CCDC102B: variants seen among roughly 807,000 people sequenced by gnomAD.
CCDC102B encodes coiled-coil domain containing 102B, also known as coiled-coil domain-containing protein 102B.
CCDC102B carries 75 observed loss-of-function variants against 57.4 expected under a neutral mutation model. That is an observed-to-expected ratio of 1.31 (90% confidence interval 1.08 to 1.58). CCDC102B has a LOEUF of 1.58. CCDC102B is among the 40% of genes most tolerant of loss of function. The pLI is 0.00. For synonymous variants in CCDC102B, 206 were observed against 201.9 expected, an observed-to-expected ratio of 1.02 and a Z score of -0.17; for missense variants, 636 against 582.6, an observed-to-expected ratio of 1.09 and a Z score of -0.94.
At chr18:68,798,564 T>C (rs1430742928) in intron 1 of CCDC102B, 4 of 152,174 alleles carry the variant, frequency 2.6e-5, no homozygotes, top group African/African-American at 9.6e-5. Context: ...GTAATCTATA[T>C]TCTTACAGTA....
chr18:68,929,117 C>G (rs533429745), intron 6 of CCDC102B, among the ~76,000 whole-genome samples: 1 of 151,852 alleles, frequency 6.6e-6, no homozygotes, highest in Non-Finnish European at 1.5e-5. Flanking sequence ...ATTTTTCCCA[C>G]CTGTAAAGGA....
chr18:68,758,922 AAG>A (rs1325349351), intron 2 of CCDC102B, among the ~76,000 whole-genome samples: 1 of 151,544 alleles, frequency 6.6e-6, no homozygotes, highest in Non-Finnish European at 1.5e-5. Flanking sequence ...AAAATCTATA[AAG>A]AGAGAAAAAA....
intron 2 of CCDC102B, among the ~76,000 whole-genome samples, chr18:68,787,563 GTA>G (rs1351305399): frequency 6.6e-6 from 1 of 151,652 alleles, no homozygotes; most frequent in Non-Finnish European, 1.5e-5. Context: ...TTGGGAGAGT[GTA>G]TATGTCGAGG....
At chr18:68,728,295 G>T (rs1257387173) in intron 2 of CCDC102B, among the ~76,000 whole-genome samples, 3 of 152,200 alleles carry the variant, frequency 2.0e-5, no homozygotes, top group Admixed American at 1.3e-4. Context: ...CAGGGAAGTA[G>T]ATTATATTGC....
At chr18:68,973,953 A>G (rs1391329970) in intron 6 of CCDC102B, among the ~76,000 whole-genome samples, 2 of 152,096 alleles carry the variant, frequency 1.3e-5, no homozygotes, top group East Asian at 1.9e-4. Context: ...AGCGGCTGCA[A>G]CATCAAGTCT....
chr18:69,041,866 C>G (rs771500859), intron 7 of CCDC102B, among the ~76,000 whole-genome samples: 1 of 152,008 alleles, frequency 6.6e-6, no homozygotes, highest in Admixed American at 6.6e-5. Context: ...CCTTTCCAAA[C>G]CAGGTGGTCA....
intron 2 of CCDC102B, among the ~76,000 whole-genome samples, chr18:68,759,402 A>G (rs1352724575): frequency 6.6e-6 from 1 of 152,114 alleles, no homozygotes; most frequent in East Asian, 1.9e-4. Context: ...GTAGCAAGAC[A>G]ACATAATATT....
At position 68,813,585 on chromosome 18, in the gene CCDC102B, G is replaced by A. The variant is rs944393998; in HGVS notation, c.-16+15404G>A. Among the ~76,000 whole-genome samples the A allele has an allele frequency of 5.3e-5, 8 of 151,906 alleles. No individual in the cohort carries two copies. In the East Asian group the frequency reaches 1.6e-3, roughly 30 times the overall value. On this transcript the variant is annotated intron_variant, in intron 1 of 7. Transcript: ENST00000360242. ...GGACCAGAAATGTAGGTTAGTTAGGGGAGAAGAAGGGAGGGAAGGCCAGCA... is the reference window on the plus strand; with the variant it reads ...GGACCAGAAATGTAGGTTAGTTAGGAGAGAAGAAGGGAGGGAAGGCCAGCA...
intron 6 of CCDC102B, chr18:68,908,614 T>C (rs2040727495): frequency 6.6e-6 from 1 of 152,212 alleles, no homozygotes; most frequent in African/African-American, 2.4e-5. Flanking sequence ...GTTAGTTAAA[T>C]GACATTTTTA....
At chr18:68,914,472 G>A (rs553341105) in intron 6 of CCDC102B, among the ~76,000 whole-genome samples, 197 of 152,244 alleles carry the variant, frequency 1.3e-3, no homozygotes, top group African/African-American at 3.7e-3. Flanking sequence ...ACATATTATC[G>A]TAAAATAAAA....
intron 5 of CCDC102B, among the ~76,000 whole-genome samples, chr18:68,875,341 C>A (rs1272221780): frequency 6.6e-6 from 1 of 152,038 alleles, no homozygotes; most frequent in African/African-American, 2.4e-5. Flanking sequence ...TAGGTAAGAA[C>A]AGAATTATTG....
At chr18:69,010,675 A>G (rs2051490187) in intron 6 of CCDC102B, among the ~76,000 whole-genome samples, 1 of 152,118 alleles carries the variant, frequency 6.6e-6, no homozygotes, top group East Asian at 1.9e-4. Context: ...TTACATAAAA[A>G]CTACTTTTGT....
intron 2 of CCDC102B, among the ~76,000 whole-genome samples, chr18:68,766,462 T>A (rs2144603130): frequency 6.6e-6 from 1 of 152,262 alleles, no homozygotes; most frequent in East Asian, 1.9e-4. Flanking sequence ...CTTACCCACG[T>A]CAAGTGTGGG....
chr18:68,988,168 G>GA lies in CCDC102B; in HGVS notation c.1264-22758dup, dbSNP rs973871890. 5.3e-5 allele frequency among the ~76,000 whole-genome samples: 8 copies of GA among 151,226 alleles called. 1 individual carries two copies. The highest frequency in any genetic ancestry group is 1.7e-4 in the African/African-American group (7 of 41,216). On this transcript the variant is annotated intron_variant, in intron 6 of 7. Coordinates refer to ENST00000360242, the MANE Select transcript of CCDC102B (RefSeq NM_024781.3). ...TAAGGTGCCCATCAACAGTGGATTA[G>GA]AAAAAAAATGTGGTACGTATACATC...
At chr18:68,789,348 C>G (rs912109785) in intron 2 of CCDC102B, among the ~76,000 whole-genome samples, 2 of 152,046 alleles carry the variant, frequency 1.3e-5, no homozygotes, top group Non-Finnish European at 2.9e-5. Flanking sequence ...GTGGCGTTCT[C>G]TGTATTTCCT....
At chr18:68,802,422 T>C (rs2035887742) in intron 1 of CCDC102B, among the ~76,000 whole-genome samples, 1 of 152,224 alleles carries the variant, frequency 6.6e-6, no homozygotes, top group African/African-American at 2.4e-5. Context: ...CTAAAGGTGT[T>C]AATGCTATAT....
At chr18:68,735,158 TCTC>T (rs1423065712) in intron 2 of CCDC102B, among the ~76,000 whole-genome samples, 1 of 152,100 alleles carries the variant, frequency 6.6e-6, no homozygotes. Flanking sequence ...TTCAAGTGAT[TCTC>T]CTGCCTCAGC....
intron 6 of CCDC102B, among the ~76,000 whole-genome samples, chr18:68,915,013 G>A (rs1298065845): frequency 6.6e-6 from 1 of 152,156 alleles, no homozygotes; most frequent in African/African-American, 2.4e-5. Flanking sequence ...GAAAGAGAGA[G>A]AGAGAGAAAC....
chr18:68,870,242 G>A (rs2039185545), intron 4 of CCDC102B, among the ~76,000 whole-genome samples: 1 of 152,104 alleles, frequency 6.6e-6, no homozygotes, highest in South Asian at 2.1e-4. Context: ...ATGAATGCAT[G>A]CAGGGCTTAA....
Sources: gnomAD v4.1 joint callset for allele counts (sites outside exome capture counted in the v4.1 genomes callset) on GRCh38, gnomAD v4.1.1 for gene constraint, MANE v1.5 for transcripts, NCBI Gene and HGNC (gene_info 2026-07-23, HGNC 2026-07-21) for gene names.